SNTG1: variants seen among roughly 807,000 people sequenced by gnomAD.
SNTG1 encodes syntrophin gamma 1, also known as gamma-1-syntrophin.
SNTG1 carries 39 observed loss-of-function variants against 74.7 expected under a neutral mutation model. That is an observed-to-expected ratio of 0.52 (90% CI 0.40 to 0.68). The LOEUF is 0.68. Among genes scored for constraint, SNTG1 ranks in the 30% least tolerant of loss-of-function variants. The pLI, the probability that SNTG1 is intolerant of heterozygous loss-of-function variation, is 0.00. For missense variants in SNTG1, 685 were observed against 609.5 expected (o/e 1.12, Z -1.30); for synonymous variants, 254 against 217.1 (o/e 1.17, Z -1.49).
intron 1 of SNTG1, among the ~76,000 whole-genome samples, chr8:50,033,272 C>T (rs557401562): frequency 5.5e-4 from 84 of 151,886 alleles, no homozygotes; most frequent in African/African-American, 1.5e-3. Flanking sequence ...TACAGGCATG[C>T]GCCACCACAC....
intron 2 of SNTG1, among the ~76,000 whole-genome samples, chr8:50,303,155 CTCT>C (rs2089725403): frequency 6.6e-6 from 1 of 152,064 alleles, no homozygotes; most frequent in Non-Finnish European, 1.5e-5. Context: ...TTTCTATGGT[CTCT>C]AAGACGAGGA....
chr8:50,301,529 TA>T (rs2089646401), intron 2 of SNTG1, among the ~76,000 whole-genome samples: 1 of 152,168 alleles, frequency 6.6e-6, no homozygotes, highest in African/African-American at 2.4e-5. Flanking sequence ...ATACTTACAA[TA>T]ATTGATTTGG....
intron 2 of SNTG1, among the ~76,000 whole-genome samples, chr8:50,382,743 T>C (rs1392769932): frequency 6.6e-6 from 1 of 152,196 alleles, no homozygotes; most frequent in Non-Finnish European, 1.5e-5. Context: ...ACTGTATCAG[T>C]CAGGATTCTC....
At chr8:50,561,718 A>G (rs1210987572) in intron 12 of SNTG1, among the ~76,000 whole-genome samples, 2 of 152,194 alleles carry the variant, frequency 1.3e-5, no homozygotes, top group East Asian at 3.9e-4. Context: ...AAGTAAAATA[A>G]TAGATTACGG....
At chr8:50,043,695 A>G (rs1001923714) in intron 1 of SNTG1, among the ~76,000 whole-genome samples, 2 of 152,190 alleles carry the variant, frequency 1.3e-5, no homozygotes, top group African/African-American at 4.8e-5. Flanking sequence ...TTTAACAGTA[A>G]AATTAAAGAT....
At chr8:50,213,479 T>G (rs550753650) in intron 2 of SNTG1, among the ~76,000 whole-genome samples, 1 of 152,308 alleles carries the variant, frequency 6.6e-6, no homozygotes, top group African/African-American at 2.4e-5. Flanking sequence ...AAATAAACTA[T>G]TTTGTCATCA....
chr8:50,234,775 A>T (rs2085805656), intron 2 of SNTG1, among the ~76,000 whole-genome samples: 1 of 152,110 alleles, frequency 6.6e-6, no homozygotes, highest in Admixed American at 6.5e-5. Context: ...AGTGACTAAA[A>T]ATGGCATCAA....
chr8:49,995,769 C>T (rs761249814), intron 1 of SNTG1, among the ~76,000 whole-genome samples: 6 of 152,200 alleles, frequency 3.9e-5, no homozygotes, highest in Non-Finnish European at 7.4e-5. Context: ...ACCCTCCATG[C>T]CTTATGCTCA....
rs114534055 is a variant in SNTG1 at position 50,588,075 on chromosome 8, G to A, written c.811-2804G>A. 1.4e-3 allele frequency among the ~76,000 whole-genome samples: 209 copies of A among 151,328 alleles called. 1 individual carries two copies. The highest frequency in any genetic ancestry group is 4.7e-3 in the African/African-American group (194 of 41,196). On this transcript the variant is annotated intron_variant, in intron 12 of 18. Coordinates refer to ENST00000642720, the MANE Select transcript of SNTG1 (RefSeq NM_018967.5). ...ACGGAGGCTGCAGTGAGCTGAGATT[G>A]CACTGCTGCACTACAGCCTGGGTGA...
intron 17 of SNTG1, among the ~76,000 whole-genome samples, chr8:50,731,291 A>G (rs1414787536): frequency 6.6e-6 from 1 of 152,072 alleles, no homozygotes; most frequent in Non-Finnish European, 1.5e-5. Flanking sequence ...GGTCTTTAGA[A>G]TCCCCTTGAT....
chr8:49,975,418 C>A (rs190666107), intron 1 of SNTG1, among the ~76,000 whole-genome samples: 96 of 152,236 alleles, frequency 6.3e-4, no homozygotes, highest in African/African-American at 2.3e-3. Context: ...AGGAAGCTTC[C>A]TAAGGTTCAT....
rs1205863441 is a variant in SNTG1 at position 49,947,415 on chromosome 8, G to A, written c.-103+35184G>A. Among the ~76,000 whole-genome samples, 3 of 152,188 alleles carry A rather than the reference G, an allele frequency of 2.0e-5. No individual in the cohort carries two copies. The East Asian group carries it at 5.8e-4, about 29-fold the overall frequency. ...TTCAAGGCCATAAAGAGCTGTCCTG[G>A]TGAATACATTCTTTTTGTTGTCACC... is the stretch of plus-strand genomic sequence containing the variant. On this transcript the variant is annotated intron_variant, in intron 1 of 18. Coordinates refer to ENST00000642720, the MANE Select transcript of SNTG1 (RefSeq NM_018967.5).
chr8:50,326,244 C>T (rs1015107843), intron 2 of SNTG1, among the ~76,000 whole-genome samples: 2 of 151,928 alleles, frequency 1.3e-5, no homozygotes, highest in African/African-American at 4.8e-5. Context: ...CCAATTCTGC[C>T]TTCTGGAAAT....
intron 2 of SNTG1, among the ~76,000 whole-genome samples, chr8:50,313,830 G>C (rs1226592883): frequency 6.7e-6 from 1 of 149,576 alleles, no homozygotes; most frequent in African/African-American, 2.5e-5. Flanking sequence ...ATCATAATTT[G>C]TTTTCCAGAA....
chr8:50,713,190 C>A (rs1391758753), intron 17 of SNTG1, among the ~76,000 whole-genome samples: 16 of 152,190 alleles, frequency 1.1e-4, no homozygotes, highest in Non-Finnish European at 2.9e-5. Flanking sequence ...CAATGATCCC[C>A]ATTCTAACTG....
intron 2 of SNTG1, among the ~76,000 whole-genome samples, chr8:50,292,059 G>T (rs1338049547): frequency 6.6e-6 from 1 of 152,092 alleles, no homozygotes; most frequent in Non-Finnish European, 1.5e-5. Flanking sequence ...TAATGAAGTA[G>T]TCAGTGGGTT....
intron 2 of SNTG1, among the ~76,000 whole-genome samples, chr8:50,214,731 A>G (rs1461428506): frequency 6.6e-6 from 1 of 152,152 alleles, no homozygotes. Context: ...GGGATCTGGC[A>G]AGGCCTTTTC....
intron 15 of SNTG1, among the ~76,000 whole-genome samples, chr8:50,698,724 G>C (rs929647569): frequency 6.6e-6 from 1 of 152,066 alleles, no homozygotes; most frequent in East Asian, 1.9e-4. Context: ...CCAAGGTCTC[G>C]GGAAGTGCAT....
At position 50,518,478 on chromosome 8, in the gene SNTG1, G is replaced by A. The variant is rs552810285; in HGVS notation, c.467-11699G>A. On this transcript the variant is annotated intron_variant, in intron 9 of 18. Coordinates refer to ENST00000642720, the MANE Select transcript of SNTG1 (RefSeq NM_018967.5). Reference sequence around the variant, plus strand: ...GATGAGAGCAGAACTTAAGGAGATAGAGACTCAAAAAAACCTTCAAAAAAT... The same window carrying A: ...GATGAGAGCAGAACTTAAGGAGATAAAGACTCAAAAAAACCTTCAAAAAAT... Among the ~76,000 whole-genome samples, 36 of 152,146 alleles carry A rather than the reference G, an allele frequency of 2.4e-4. No homozygotes were observed. In the South Asian group the frequency reaches 6.6e-3, roughly 28 times the overall value.
Sources: allele counts gnomAD v4.1 joint callset (sites outside exome capture counted in the v4.1 genomes callset), GRCh38; gene constraint gnomAD v4.1.1; transcripts MANE v1.5; gene names NCBI Gene and HGNC (gene_info 2026-07-23, HGNC 2026-07-21).